The following KATNIP variants were observed in gnomAD, a reference collection of about 807,000 sequenced individuals.
KATNIP encodes the protein katanin interacting protein, also known as katanin-interacting protein.
Under a neutral mutation model 174.0 loss-of-function variants are expected in KATNIP, and 126 were observed. That is an observed-to-expected ratio of 0.72 (90% CI 0.63 to 0.84). The LOEUF (loss-of-function observed/expected upper bound fraction) is 0.84, where lower values mean the gene tolerates loss of function less well. Among genes scored for constraint, KATNIP ranks in the 40% least tolerant of loss-of-function variants. The pLI, the probability that KATNIP is intolerant of heterozygous loss-of-function variation, is 0.00. For missense variants in KATNIP, 1,958 were observed against 2,109.7 expected, an observed-to-expected ratio of 0.93 and a Z score of 1.41; for synonymous variants, 810 against 835.7, an observed-to-expected ratio of 0.97 and a Z score of 0.53.
chr16:27,764,702 G>A (rs2082066694), intron 19 of KATNIP, among the ~76,000 whole-genome samples: 1 of 152,166 alleles, frequency 6.6e-6, no homozygotes, highest in African/African-American at 2.4e-5. Context: ...GGCTACAAAT[G>A]CTCCAGCAGT....
rs1394170538 is a variant in KATNIP at position 27,776,699 on chromosome 16, C to T, written c.4450-229C>T. ...GAGGGCTCCGACAGGCCCAAGAACACAGGCCCTCCAAAAGCCAGCTCAGCG... is the reference window on the plus strand; with the variant it reads ...GAGGGCTCCGACAGGCCCAAGAACATAGGCCCTCCAAAAGCCAGCTCAGCG... On this transcript the variant is annotated intron_variant, in intron 24 of 27. Transcript: ENST00000261588. This position sits in a 1 kb window ranked among gnomAD's most constrained non-coding sequence, Gnocchi z 4.7. 6.6e-6 allele frequency among the ~76,000 whole-genome samples: 1 copy of T among 152,220 alleles called. No homozygotes were observed. The highest frequency in any genetic ancestry group is 1.9e-4 in the East Asian group (1 of 5,190).
At chr16:27,758,061 G>A (rs780057066) in intron 18 of KATNIP, among the ~76,000 whole-genome samples, 8 of 152,166 alleles carry the variant, frequency 5.3e-5, no homozygotes, top group African/African-American at 1.2e-4. Context: ...ATATTAGCTC[G>A]AAAAGGAGAG....
intron 5 of KATNIP, among the ~76,000 whole-genome samples, chr16:27,647,647 A>G (rs931455774): frequency 6.6e-6 from 1 of 152,036 alleles, no homozygotes; most frequent in African/African-American, 2.4e-5. Context: ...CTGGGACTAC[A>G]GGCATGCGCC....
chr16:27,771,521 G>T (rs114864736), intron 21 of KATNIP, 67 bp from the exon 22 acceptor site: 5 of 1,472,452 alleles, frequency 3.4e-6, no homozygotes, highest in East Asian at 2.3e-5. Flanking sequence ...TGTTACCTAG[G>T]GGGTAACTGG....
At position 27,761,555 on chromosome 16, in the gene KATNIP, C is replaced by T; in HGVS notation, c.3774C>T (p.Leu1258=). ...ISASPRDLNE[L]PEYSDDSRAL... is the part of the protein sequence containing the mutation. ...CTTCCCCCAGAGACTTAAATGAGCT[C>T]CCCGAGTACTCTGACGACTCCCGGG... is the stretch of plus-strand genomic sequence containing the variant. The change falls in exon 19 of 28, where the codon CTC becomes CTT. Residue 1258 remains leucine (L), a synonymous_variant. Coordinates refer to ENST00000261588, the MANE Select transcript of KATNIP (RefSeq NM_015202.5). 1 of 1,614,092 alleles carries T rather than the reference C, an allele frequency of 6.2e-7. No homozygotes were observed. The highest frequency in any genetic ancestry group is 8.5e-7 in the Non-Finnish European group (1 of 1,180,016).
chr16:27,669,967 C>T (rs1459291081), intron 6 of KATNIP, among the ~76,000 whole-genome samples: 2 of 152,092 alleles, frequency 1.3e-5, no homozygotes, highest in African/African-American at 2.4e-5. Context: ...AGATTACAGG[C>T]ATGAGCCACT....
intron 8 of KATNIP, among the ~76,000 whole-genome samples, chr16:27,690,749 G>A (rs1001965134): frequency 6.6e-6 from 1 of 152,170 alleles, no homozygotes; most frequent in Non-Finnish European, 1.5e-5. Flanking sequence ...ATAGTGTACA[G>A]TTTCAAGGCC....
intron 2 of KATNIP, among the ~76,000 whole-genome samples, chr16:27,613,134 T>C (rs975950345): frequency 2.6e-5 from 4 of 151,670 alleles, no homozygotes; most frequent in Non-Finnish European, 5.9e-5. Flanking sequence ...AAATTAGCCA[T>C]GTATTGGCAC....
In KATNIP at chr16:27,571,280, G is replaced by A. The variant is rs138940815; in HGVS notation, c.8-2621G>A. On this transcript the variant is annotated intron_variant, in intron 1 of 27. Transcript: ENST00000261588. Reference sequence around the variant, plus strand: ...AGTCCTGACCTCAGGTGATCCACCCGCTTCGACCTCCCTAAGTGTTAGAAT... The same window carrying A: ...AGTCCTGACCTCAGGTGATCCACCCACTTCGACCTCCCTAAGTGTTAGAAT... Among the ~76,000 whole-genome samples the A allele has an allele frequency of 7.3e-3, 1,108 of 152,190 alleles. 11 individuals are homozygous for A. Among genetic ancestry groups the A allele is most frequent in the African/African-American group, 0.024 (1,000 of 41,520 alleles).
chr16:27,767,941 T>C (rs929919745), intron 20 of KATNIP, among the ~76,000 whole-genome samples: 4 of 152,214 alleles, frequency 2.6e-5, no homozygotes, highest in Admixed American at 2.6e-4. Context: ...GTTGTGCCTT[T>C]GGGCCTTAAA....
chr16:27,693,449 C>T (rs2078805329), intron 8 of KATNIP, among the ~76,000 whole-genome samples: 2 of 152,136 alleles, frequency 1.3e-5, no homozygotes, highest in Admixed American at 1.3e-4. Flanking sequence ...AGTGCCGTGG[C>T]ATGATCTCGA....
At chr16:27,661,639 C>G (rs1021511164) in intron 6 of KATNIP, among the ~76,000 whole-genome samples, 15 of 151,676 alleles carry the variant, frequency 9.9e-5, no homozygotes, top group Non-Finnish European at 2.1e-4. Flanking sequence ...GTGATCCACC[C>G]ACCTAGGCCT....
chr16:27,653,192 T>C (rs2077169804), intron 6 of KATNIP, among the ~76,000 whole-genome samples: 1 of 152,194 alleles, frequency 6.6e-6, no homozygotes, highest in South Asian at 2.1e-4. Flanking sequence ...CAGTGAGTGG[T>C]ATCTCCCAAG....
chr16:27,720,435 A>G (rs151115287), intron 13 of KATNIP, among the ~76,000 whole-genome samples: 1 of 150,462 alleles, frequency 6.6e-6, no homozygotes, highest in Non-Finnish European at 1.5e-5. Context: ...AGACATTAGG[A>G]GGCACACTCC....
chr16:27,604,920 A>G (rs144167752), intron 2 of KATNIP, among the ~76,000 whole-genome samples: 1 of 152,172 alleles, frequency 6.6e-6, no homozygotes, highest in African/African-American at 2.4e-5. Flanking sequence ...AAACTCATTC[A>G]AGTTTTGTTG....
chr16:27,585,871 G>A (rs1567462895), intron 2 of KATNIP, among the ~76,000 whole-genome samples: 3 of 152,192 alleles, frequency 2.0e-5, no homozygotes, highest in Non-Finnish European at 4.4e-5. Flanking sequence ...GGAGGCCGAG[G>A]CAGGCGGATC....
At position 27,751,938 on chromosome 16, in the gene KATNIP, T is replaced by G. The variant is rs2143829454; in HGVS notation, c.3552+14T>G. Reference sequence around the variant, plus strand: ...GCTGATGAACGGGTAGGACTGGAGCTGGGGGGCTGTGGGGGGACCCCCAGA... The same window carrying G: ...GCTGATGAACGGGTAGGACTGGAGCGGGGGGGCTGTGGGGGGACCCCCAGA... On this transcript the variant is annotated intron_variant, in intron 17 of 27. Coordinates refer to ENST00000261588, the MANE Select transcript of KATNIP (RefSeq NM_015202.5). The G allele has an allele frequency of 6.3e-7, 1 of 1,577,434 alleles. No individual in the cohort carries two copies.
chr16:27,718,980 T>TA lies in KATNIP; in HGVS notation c.1606-2578_1606-2577insA, dbSNP rs1276593407. On this transcript the variant is annotated intron_variant, in intron 13 of 27. Coordinates refer to ENST00000261588, the MANE Select transcript of KATNIP (RefSeq NM_015202.5). ...TCAGCCAATCCTCCCTCCCTGGCTC[T>TA]GTCAAGTAGCAGGCACGTTCCTGGT... is the stretch of plus-strand genomic sequence containing the variant. 9.9e-5 allele frequency among the ~76,000 whole-genome samples: 15 copies of TA among 152,276 alleles called. No homozygotes were observed. In the East Asian group the frequency reaches 2.9e-3, roughly 29 times the overall value.
intron 19 of KATNIP, among the ~76,000 whole-genome samples, chr16:27,763,517 A>T (rs989129670): frequency 7.1e-6 from 1 of 139,966 alleles, no homozygotes; most frequent in East Asian, 2.4e-4. Flanking sequence ...TCAGATGCTG[A>T]GGTGGGAGGA....
Sources: gnomAD v4.1 joint callset for allele counts (sites outside exome capture counted in the v4.1 genomes callset) on GRCh38, gnomAD v4.1.1 for gene constraint, Gnocchi (gnomAD v3.1) non-coding constraint, MANE v1.5 for transcripts, NCBI Gene and HGNC (gene_info 2026-07-23, HGNC 2026-07-21) for gene names.